The following SHISA9 variants were observed in gnomAD, a reference collection of about 807,000 sequenced individuals.
SHISA9 encodes shisa family member 9.
In SHISA9, 13 loss-of-function variants were observed where a neutral mutation model predicts 38.0. That is an observed-to-expected ratio of 0.34 (90% confidence interval 0.22 to 0.54). The LOEUF (loss-of-function observed/expected upper bound fraction) is 0.54. Ranked by LOEUF, SHISA9 falls within the 20% of genes least tolerant of loss-of-function variation. The probability of loss-of-function intolerance (pLI) is 0.91; values close to 1 mark genes in which losing one functional copy is unlikely to be tolerated. For synonymous variants in SHISA9, 275 were observed against 242.0 expected (o/e 1.14, Z -1.27); for missense variants, 538 against 575.8 (o/e 0.93, Z 0.67).
chr16:13,175,799 A>C (rs925762799), intron 2 of SHISA9, among the ~76,000 whole-genome samples: 2 of 152,168 alleles, frequency 1.3e-5, no homozygotes, highest in African/African-American at 4.8e-5. Flanking sequence ...TGATAATAAA[A>C]TATGCCCCCC....
intron 2 of SHISA9, among the ~76,000 whole-genome samples, chr16:13,132,417 A>G (rs183861334): frequency 5.3e-5 from 8 of 152,314 alleles, no homozygotes; most frequent in African/African-American, 1.4e-4. Flanking sequence ...TTAAACTTCA[A>G]TGCCTCTAAC....
At chr16:13,246,604 G>T in the SHISA9 span, among the ~76,000 whole-genome samples, 8 of 152,152 alleles carry the variant, frequency 5.3e-5, no homozygotes, top group Non-Finnish European at 1.2e-4. Flanking sequence ...CACTGTAAAA[G>T]CTTCATTCTT....
At chr16:13,296,302 G>T in the SHISA9 span, among the ~76,000 whole-genome samples, 1 of 151,574 alleles carries the variant, frequency 6.6e-6, no homozygotes, top group African/African-American at 2.4e-5. Flanking sequence ...GGGAAAATAA[G>T]TGGTTACATC....
chr16:13,338,064 G>A, the SHISA9 span, among the ~76,000 whole-genome samples: 8 of 152,098 alleles, frequency 5.3e-5, no homozygotes, highest in Non-Finnish European at 8.8e-5. Flanking sequence ...TTAAAAAGAG[G>A]CACCACCTTT....
chr16:13,080,128 C>G (rs2141934350), intron 2 of SHISA9, among the ~76,000 whole-genome samples: 1 of 152,202 alleles, frequency 6.6e-6, no homozygotes, highest in Middle Eastern at 3.4e-3. Flanking sequence ...AATCCCAGCA[C>G]TTTGGGAGGC....
At chr16:13,446,505 G>T in the SHISA9 span, among the ~76,000 whole-genome samples, 1 of 152,188 alleles carries the variant, frequency 6.6e-6, no homozygotes, top group Non-Finnish European at 1.5e-5. Context: ...AGAGGGGGAA[G>T]TGAATTGCTT....
the SHISA9 span, among the ~76,000 whole-genome samples, chr16:13,487,601 C>T: frequency 1.9e-3 from 286 of 152,328 alleles, no homozygotes; most frequent in African/African-American, 6.4e-3. Context: ...GACCCCACCT[C>T]CAACATTTGG....
At chr16:13,105,224 A>G (rs770622743) in intron 2 of SHISA9, among the ~76,000 whole-genome samples, 1 of 152,246 alleles carries the variant, frequency 6.6e-6, no homozygotes, top group Admixed American at 6.5e-5. Context: ...CCATAGGAGT[A>G]TACGGCTAGC....
At chr16:13,187,789 G>A (rs1202233710) in intron 2 of SHISA9, among the ~76,000 whole-genome samples, 1 of 152,168 alleles carries the variant, frequency 6.6e-6, no homozygotes, top group Non-Finnish European at 1.5e-5. Context: ...TAACTTCAGT[G>A]GGGTTGTGAG....
At chr16:13,430,421 C>G in the SHISA9 span, among the ~76,000 whole-genome samples, 1 of 152,126 alleles carries the variant, frequency 6.6e-6, no homozygotes, top group African/African-American at 2.4e-5. Flanking sequence ...TCCGGTGGGC[C>G]TGAAGCCCAG....
intron 2 of SHISA9, among the ~76,000 whole-genome samples, chr16:13,000,375 G>A (rs1026364371): frequency 6.6e-6 from 1 of 152,154 alleles, no homozygotes; most frequent in Non-Finnish European, 1.5e-5. Context: ...ACTAAACAAC[G>A]ACGTGGTTTT....
the SHISA9 span, among the ~76,000 whole-genome samples, chr16:13,413,067 T>C: frequency 7.0e-4 from 106 of 152,226 alleles, 1 homozygote; most frequent in African/African-American, 2.3e-3. Context: ...AGGGATTAAC[T>C]CACCTAGATC....
the SHISA9 span, among the ~76,000 whole-genome samples, chr16:13,513,320 T>C: frequency 6.6e-6 from 1 of 152,074 alleles, no homozygotes; most frequent in Admixed American, 6.6e-5. Context: ...ATGGCAATTA[T>C]TAAAAAGTCA....
the SHISA9 span, among the ~76,000 whole-genome samples, chr16:13,375,312 A>G: frequency 2.7e-4 from 41 of 152,184 alleles, no homozygotes; most frequent in Non-Finnish European, 5.0e-4. Flanking sequence ...TAGGTCTAAC[A>G]TTTAAGTCTT....
the SHISA9 span, among the ~76,000 whole-genome samples, chr16:13,407,805 G>C: frequency 1.2e-4 from 18 of 152,302 alleles, no homozygotes; most frequent in Admixed American, 7.2e-4. Context: ...CTTGAGAAGA[G>C]GAAGCACATC....
the SHISA9 span, among the ~76,000 whole-genome samples, chr16:13,373,672 G>A: frequency 6.6e-6 from 1 of 150,778 alleles, no homozygotes; most frequent in Non-Finnish European, 1.5e-5. Context: ...TGACACAGGA[G>A]AATTGCTTGA....
chr16:13,270,149 C>T, the SHISA9 span, among the ~76,000 whole-genome samples: 1 of 152,160 alleles, frequency 6.6e-6, no homozygotes, highest in African/African-American at 2.4e-5. Context: ...CAACTGTTTA[C>T]TTGGTGGAAA....
chr16:12,987,983 T>C (rs1371348353), intron 2 of SHISA9, among the ~76,000 whole-genome samples: 1 of 152,200 alleles, frequency 6.6e-6, no homozygotes, highest in Admixed American at 6.5e-5. Flanking sequence ...TATTCTTGGA[T>C]ACTAAGCTAT....
chr16:13,375,491 G>A, the SHISA9 span, among the ~76,000 whole-genome samples: 1 of 152,004 alleles, frequency 6.6e-6, no homozygotes, highest in African/African-American at 2.4e-5. Context: ...TAGATGTGTG[G>A]TATTATTTCT....
Sources: gnomAD v4.1 joint callset for allele counts (sites outside exome capture counted in the v4.1 genomes callset) on GRCh38, gnomAD v4.1.1 for gene constraint, MANE v1.5 for transcripts, NCBI Gene and HGNC (gene_info 2026-07-23, HGNC 2026-07-21) for gene names.